MAP2K6: variants seen among roughly 807,000 people sequenced by gnomAD.
The protein encoded by MAP2K6 is mitogen-activated protein kinase kinase 6, also known as dual specificity mitogen-activated protein kinase kinase 6.
MAP2K6 carries 16 observed loss-of-function variants against 53.7 expected under a neutral mutation model. The ratio of observed to expected loss-of-function variants is 0.30; its 90% CI spans 0.20 to 0.45. The LOEUF (loss-of-function observed/expected upper bound fraction) is 0.45, where lower values mean the gene tolerates loss of function less well. Ranked by LOEUF, MAP2K6 falls within the 20% of genes least tolerant of loss-of-function variation. MAP2K6 has a pLI of 1.00. For synonymous variants in MAP2K6, 132 were observed against 143.1 expected, an observed-to-expected ratio of 0.92 and a Z score of 0.55; for missense variants, 204 against 411.9, an observed-to-expected ratio of 0.50 and a Z score of 4.37.
intron 1 of MAP2K6, among the ~76,000 whole-genome samples, chr17:69,471,503 G>C (rs1907980935): frequency 6.6e-6 from 1 of 152,072 alleles, no homozygotes; most frequent in Admixed American, 6.6e-5. Flanking sequence ...ATAGACACTG[G>C]GGACTCCAGA....
intron 1 of MAP2K6, among the ~76,000 whole-genome samples, chr17:69,458,774 C>T (rs1481089876): frequency 6.6e-6 from 1 of 152,114 alleles, no homozygotes; most frequent in African/African-American, 2.4e-5. Flanking sequence ...TAGTAATTGT[C>T]CTGTTTCTTT....
chr17:69,464,808 C>T (rs923416126), intron 1 of MAP2K6, among the ~76,000 whole-genome samples: 8 of 151,886 alleles, frequency 5.3e-5, no homozygotes, highest in African/African-American at 1.9e-4. Context: ...CTCTGTCTCC[C>T]GGGTTCAAGC....
chr17:69,534,125 G>A (rs778457812), intron 10 of MAP2K6, among the ~76,000 whole-genome samples: 6 of 152,108 alleles, frequency 3.9e-5, no homozygotes, highest in Non-Finnish European at 7.4e-5. Flanking sequence ...GTAACACCCT[G>A]CCACCAGATG....
chr17:69,489,823 A>G (rs1908675597), intron 1 of MAP2K6, among the ~76,000 whole-genome samples: 1 of 152,220 alleles, frequency 6.6e-6, no homozygotes, highest in Non-Finnish European at 1.5e-5. Context: ...ACCCTTAGCC[A>G]GAAGTGTCAC....
chr17:69,417,568 G>T (rs1020607288), intron 1 of MAP2K6, among the ~76,000 whole-genome samples: 2 of 152,188 alleles, frequency 1.3e-5, no homozygotes, highest in Non-Finnish European at 2.9e-5. Flanking sequence ...ATGCTTTTCA[G>T]CTTGTTTATA....
At chr17:69,415,124 C>A in intron 1 of MAP2K6, 124 bp downstream of exon 1, 2 of 865,652 alleles carry the variant, frequency 2.3e-6, no homozygotes, top group Non-Finnish European at 3.8e-6. Flanking sequence ...AGCTCAGTTG[C>A]ATTTCCTGTT....
chr17:69,518,099 A>C (rs1910266137), intron 4 of MAP2K6, among the ~76,000 whole-genome samples: 2 of 152,208 alleles, frequency 1.3e-5, no homozygotes, highest in Non-Finnish European at 2.9e-5. Flanking sequence ...TTGAGGCAGG[A>C]GAATCACTTG....
rs553581269 is a variant in MAP2K6 at position 69,425,492 on chromosome 17, T to C, written c.16+10492T>C. 1.2e-4 allele frequency among the ~76,000 whole-genome samples: 19 copies of C among 152,142 alleles called. No individual in the cohort carries two copies. The South Asian group carries it at 3.9e-3, about 32-fold the overall frequency. ...CACACCCAGCTACTTTTTGTATTTTTAGTAGAGATGGGGCTTCACTGTGTT... is the reference window on the plus strand; with the variant it reads ...CACACCCAGCTACTTTTTGTATTTTCAGTAGAGATGGGGCTTCACTGTGTT... On this transcript the variant is annotated intron_variant, in intron 1 of 11. Transcript: ENST00000590474.
intron 1 of MAP2K6, among the ~76,000 whole-genome samples, chr17:69,463,264 ATATG>A (rs1907680459): frequency 6.6e-6 from 1 of 150,996 alleles, no homozygotes; most frequent in Admixed American, 6.6e-5. Flanking sequence ...TCACGTACAT[ATATG>A]TATGTGTGTA....
At chr17:69,442,322 T>A (rs899994937) in intron 1 of MAP2K6, among the ~76,000 whole-genome samples, 2 of 151,698 alleles carry the variant, frequency 1.3e-5, no homozygotes, top group Admixed American at 6.6e-5. Context: ...GGATTTTACC[T>A]CTCATGATGG....
At chr17:69,445,780 T>A (rs926596288) in intron 1 of MAP2K6, among the ~76,000 whole-genome samples, 1 of 152,182 alleles carries the variant, frequency 6.6e-6, no homozygotes, top group East Asian at 1.9e-4. Context: ...GTGTAATAAT[T>A]GGGTTGACAG....
intron 8 of MAP2K6, among the ~76,000 whole-genome samples, chr17:69,524,548 A>T (rs1910661329): frequency 6.6e-6 from 1 of 151,922 alleles, no homozygotes; most frequent in Non-Finnish European, 1.5e-5. Flanking sequence ...GCCCAGTGAC[A>T]CTTGTTTTAT....
chr17:69,523,546 C>A lies in MAP2K6; in HGVS notation c.568C>A (p.Leu190Ile), dbSNP rs763219277. 163 of 1,613,938 alleles carry A rather than the reference C, an allele frequency of 1.0e-4. No homozygotes were observed. Among genetic ancestry groups the A allele is most frequent in the Non-Finnish European group, 1.4e-4 (160 of 1,179,960 alleles). ...GCCTTCTAATGTACTCATCAATGCTCTCGGTCAAGTGAAGATGTGCGATTT... is the reference window on the plus strand; with the variant it reads ...GCCTTCTAATGTACTCATCAATGCTATCGGTCAAGTGAAGATGTGCGATTT... Reference protein sequence around the residue: ...VKPSNVLINALGQVKMCDFGI... With the variant: ...VKPSNVLINAIGQVKMCDFGI... The change falls in exon 8 of 12, where the codon CTC becomes ATC. Residue 190 changes from leucine (L) to isoleucine (I), a missense_variant. By Grantham distance (5) the Leu-to-Ile change is conservative (BLOSUM62 2). This residue lies in a region of MAP2K6 where 129 missense variants were observed against 247.1 expected (regional missense o/e 0.52). Coordinates refer to ENST00000590474, the MANE Select transcript of MAP2K6 (RefSeq NM_002758.4).
At chr17:69,429,866 A>G (rs1196394360) in intron 1 of MAP2K6, among the ~76,000 whole-genome samples, 1 of 152,142 alleles carries the variant, frequency 6.6e-6, no homozygotes, top group African/African-American at 2.4e-5. Context: ...CAACCCAGAG[A>G]AAGTCACAGG....
chr17:69,433,244 C>G (rs1251479492), intron 1 of MAP2K6: 1 of 152,206 alleles, frequency 6.6e-6, no homozygotes, highest in Admixed American at 6.5e-5. Context: ...CAATTATGAC[C>G]GAGAGAGATT....
intron 1 of MAP2K6, among the ~76,000 whole-genome samples, chr17:69,493,052 A>G (rs1908809022): frequency 1.3e-5 from 2 of 152,222 alleles, no homozygotes; most frequent in African/African-American, 4.8e-5. Context: ...AGATGTCTAC[A>G]TGAATATTTC....
At chr17:69,512,316 GTCTT>G (rs1227990289) in intron 2 of MAP2K6, among the ~76,000 whole-genome samples, 2 of 119,856 alleles carry the variant, frequency 1.7e-5, no homozygotes, top group Admixed American at 8.7e-5. Flanking sequence ...TAATCTCATT[GTCTT>G]TCTAAGTGTT....
At chr17:69,540,185 G>C (rs1305046792) in intron 11 of MAP2K6, among the ~76,000 whole-genome samples, 1 of 152,146 alleles carries the variant, frequency 6.6e-6, no homozygotes, top group African/African-American at 2.4e-5. Context: ...ACCCTCTGCT[G>C]TCAGGTTTAA....
chr17:69,432,187 G>A (rs1906484497), intron 1 of MAP2K6, among the ~76,000 whole-genome samples: 1 of 152,160 alleles, frequency 6.6e-6, no homozygotes, highest in African/African-American at 2.4e-5. Context: ...TGTGACATGT[G>A]GCATTTTACA....
Sources: allele counts gnomAD v4.1 joint callset (sites outside exome capture counted in the v4.1 genomes callset), GRCh38; gene constraint gnomAD v4.1.1; regional missense constraint gnomAD v4.1.1; transcripts MANE v1.5; gene names NCBI Gene and HGNC (gene_info 2026-07-23, HGNC 2026-07-21).